Variants in HSF2BP observed in about 807,000 individuals in gnomAD.
HSF2BP encodes the protein heat shock factor 2-binding protein.
In HSF2BP, 35 loss-of-function variants were observed where a neutral mutation model predicts 35.0. The ratio of observed to expected loss-of-function variants is 1.00; its 90% CI spans 0.76 to 1.32. HSF2BP has a LOEUF of 1.32. HSF2BP is among the 40% of genes most tolerant of loss of function. The probability of loss-of-function intolerance (pLI) is 0.00; values close to 1 mark genes in which losing one functional copy is unlikely to be tolerated. For synonymous variants in HSF2BP, 114 were observed against 117.4 expected, an observed-to-expected ratio of 0.97 and a Z score of 0.18; for missense variants, 326 against 321.7, an observed-to-expected ratio of 1.01 and a Z score of -0.10.
Position 43,630,316 on chromosome 21 carries a change from A to G in HSF2BP, c.574+6T>C. On this transcript the variant is annotated splice_donor_region_variant and intron_variant, in intron 6 of 8. Coordinates refer to ENST00000291560, the MANE Select transcript of HSF2BP (RefSeq NM_007031.2). The stretch of plus-strand genomic sequence containing the variant: ...GGCAACATCTCTCAGGTGCGCCTGC[A>G]CTTACTCGTGACAATTCCAGCCAGA... 1.2e-6 allele frequency: 2 copies of G among 1,610,534 alleles called. No homozygotes were observed. The highest frequency in any genetic ancestry group is 1.7e-6 in the Non-Finnish European group (2 of 1,178,576).
At chr21:43,617,671 G>A (rs1185235213) in intron 6 of HSF2BP, among the ~76,000 whole-genome samples, 5 of 151,678 alleles carry the variant, frequency 3.3e-5, no homozygotes, top group African/African-American at 1.2e-4. Flanking sequence ...TCAAGAAATG[G>A]GGCCAGGTAC....
Position 43,625,771 on chromosome 21 carries a change from A to G in HSF2BP, c.574+4551T>C, listed in dbSNP as rs76622381. On this transcript the variant is annotated intron_variant, in intron 6 of 8. Coordinates refer to ENST00000291560, the MANE Select transcript of HSF2BP (RefSeq NM_007031.2). ...CAGTCAAATTCATTAACATGCAAATATAAGTGCCCACTATCCAACTCTTCA... is the reference window on the plus strand; with the variant it reads ...CAGTCAAATTCATTAACATGCAAATGTAAGTGCCCACTATCCAACTCTTCA... 5.0e-3 allele frequency among the ~76,000 whole-genome samples: 759 copies of G among 152,272 alleles called. 7 individuals carry two copies. The highest frequency in any genetic ancestry group is 0.017 in the African/African-American group (726 of 41,550).
intron 5 of HSF2BP, 119 bp downstream of exon 5, chr21:43,633,153 G>A (rs2147022657): frequency 9.2e-7 from 1 of 1,087,282 alleles, no homozygotes; most frequent in Non-Finnish European, 1.3e-6. Flanking sequence ...TAGCTGATGA[G>A]TGAACAAAAG....
At chr21:43,583,902 C>G (rs2081806520) in intron 8 of HSF2BP, among the ~76,000 whole-genome samples, 3 of 141,146 alleles carry the variant, frequency 2.1e-5, no homozygotes, top group Admixed American at 2.1e-4. Context: ...AGATGAAGAC[C>G]TGCTGAGGGA....
intron 8 of HSF2BP, among the ~76,000 whole-genome samples, chr21:43,576,543 A>ACATTGCTGTTCATG (rs2081646704): frequency 1.3e-5 from 2 of 152,252 alleles, no homozygotes; most frequent in African/African-American, 4.8e-5. Context: ...GGCGCCAGTC[A>ACATTGCTGTTCATG]TGTACAGTCT....
intron 7 of HSF2BP, among the ~76,000 whole-genome samples, chr21:43,596,426 A>G (rs950039499): frequency 4.6e-5 from 7 of 152,066 alleles, no homozygotes; most frequent in African/African-American, 7.2e-5. Context: ...TTTAATACTT[A>G]TTCCAGAAAA....
chr21:43,646,833 G>A (rs768812128), intron 3 of HSF2BP, among the ~76,000 whole-genome samples: 2 of 152,168 alleles, frequency 1.3e-5, no homozygotes, highest in Non-Finnish European at 2.9e-5. Context: ...GTATGAGGCC[G>A]CCACCTTGTG....
intron 7 of HSF2BP, among the ~76,000 whole-genome samples, chr21:43,604,343 GCACACACCACA>G (rs528850453): frequency 5.8e-4 from 50 of 86,346 alleles, no homozygotes; most frequent in African/African-American, 1.1e-3. Context: ...CACACATCAC[GCACACACCACA>G]CACACACCAC....
intron 4 of HSF2BP, 63 bp from the exon 5 acceptor site, chr21:43,633,484 A>C: frequency 7.7e-7 from 1 of 1,302,510 alleles, no homozygotes; most frequent in Non-Finnish European, 1.0e-6. Flanking sequence ...TCTTTATTAC[A>C]TTTCCTCTTT....
intron 6 of HSF2BP, among the ~76,000 whole-genome samples, chr21:43,628,200 C>T (rs2082412419): frequency 6.6e-6 from 1 of 152,168 alleles, no homozygotes; most frequent in African/African-American, 2.4e-5. Flanking sequence ...AATGATTAAG[C>T]TTAGTGAAGG....
intron 3 of HSF2BP, among the ~76,000 whole-genome samples, chr21:43,647,983 T>C (rs140648581): frequency 6.7e-6 from 1 of 149,756 alleles, no homozygotes; most frequent in Non-Finnish European, 1.5e-5. Flanking sequence ...CTCAAATTAA[T>C]TCTGTTGATT....
chr21:43,650,422 G>A (rs1033343360), intron 3 of HSF2BP, among the ~76,000 whole-genome samples: 2 of 151,978 alleles, frequency 1.3e-5, no homozygotes, highest in Admixed American at 6.6e-5. Context: ...AGCCAGGATG[G>A]TCTCGATCTC....
chr21:43,609,309 T>C (rs1359144423), intron 7 of HSF2BP, among the ~76,000 whole-genome samples: 1 of 152,162 alleles, frequency 6.6e-6, no homozygotes, highest in Non-Finnish European at 1.5e-5. Flanking sequence ...GAACAAGGAC[T>C]GAAAAATCTC....
intron 5 of HSF2BP, among the ~76,000 whole-genome samples, chr21:43,632,217 G>A (rs2082480260): frequency 2.8e-5 from 1 of 35,246 alleles, no homozygotes; most frequent in Non-Finnish European, 4.9e-5. Flanking sequence ...ACACACATAC[G>A]ATCCCACATA....
At chr21:43,612,447 T>G (rs191221760) in intron 7 of HSF2BP, among the ~76,000 whole-genome samples, 2 of 151,846 alleles carry the variant, frequency 1.3e-5, no homozygotes. Flanking sequence ...GTCAGGAGAT[T>G]GAGACCATCC....
chr21:43,656,517 AT>A, intron 3 of HSF2BP, 69 bp downstream of exon 3: 1 of 1,438,162 alleles, frequency 7.0e-7, no homozygotes, highest in Non-Finnish European at 9.5e-7. Context: ...GTTTACAATT[AT>A]TTACCTAGGG....
chr21:43,601,208 C>T (rs2082047702), intron 7 of HSF2BP, among the ~76,000 whole-genome samples: 1 of 152,194 alleles, frequency 6.6e-6, no homozygotes, highest in East Asian at 1.9e-4. Flanking sequence ...CCTCCACAGA[C>T]ACAGGCCAGC....
intron 3 of HSF2BP, among the ~76,000 whole-genome samples, chr21:43,647,258 G>C (rs764600901): frequency 2.7e-5 from 4 of 149,272 alleles, no homozygotes; most frequent in Non-Finnish European, 5.9e-5. Flanking sequence ...TTTTTTCCCC[G>C]AGACGGTGTC....
At chr21:43,648,474 G>A (rs746736873) in intron 3 of HSF2BP, among the ~76,000 whole-genome samples, 20 of 152,264 alleles carry the variant, frequency 1.3e-4, no homozygotes, top group Non-Finnish European at 2.1e-4. Context: ...AGGCAATGGC[G>A]CTCCACTCGT....
Sources: allele counts gnomAD v4.1 joint callset (sites outside exome capture counted in the v4.1 genomes callset), GRCh38; gene constraint gnomAD v4.1.1; transcripts MANE v1.5; gene names NCBI Gene and HGNC (gene_info 2026-07-23, HGNC 2026-07-21).